Variants in ZNF705A observed in about 807,000 individuals in gnomAD.
The protein encoded by ZNF705A is zinc finger protein 705A.
A neutral mutation model predicts 16.6 loss-of-function variants in ZNF705A; 8 were observed. That is an observed-to-expected ratio of 0.48 (90% CI 0.28 to 0.87). ZNF705A has a LOEUF of 0.87. ZNF705A is among the 40% of genes least tolerant of loss of function. ZNF705A has a pLI of 0.10. For synonymous variants in ZNF705A, 73 were observed against 117.3 expected, an observed-to-expected ratio of 0.62 and a Z score of 2.44; for missense variants, 233 against 359.9, an observed-to-expected ratio of 0.65 and a Z score of 2.85.
chr12:8,164,659 A>G (rs948770095), intron 1 of ZNF705A, among the ~76,000 whole-genome samples: 2 of 152,220 alleles, frequency 1.3e-5, no homozygotes, highest in Non-Finnish European at 2.9e-5. Context: ...TCCAAAGAAC[A>G]TGATCTCATT....
At chr12:8,174,737 G>A (rs1455253916) in intron 2 of ZNF705A, among the ~76,000 whole-genome samples, 2 of 152,114 alleles carry the variant, frequency 1.3e-5, no homozygotes, top group African/African-American at 2.4e-5. Context: ...GGAACTTAAC[G>A]AATATTTTCA....
chr12:8,177,571 C>T lies in ZNF705A; in HGVS notation c.891C>T (p.Ser297=), dbSNP rs369950009. Residue 297 remains serine, a synonymous_variant, in exon 5 of 5, where the codon TCC becomes TCT. Coordinates refer to ENST00000359286, the Ensembl canonical transcript of ZNF705A. The stretch of plus-strand genomic sequence containing the variant: ...GTGGGAAGGCCTTCAGTCTGTCTTC[C>T]GACCTTAGATGACATGAGAGAACAT... The T allele has an allele frequency of 1.2e-4, 196 of 1,611,160 alleles. 1 individual carries two copies. Among genetic ancestry groups the T allele is most frequent in the South Asian group, 1.1e-3 (101 of 90,968 alleles).
intron 4 of ZNF705A, 58 bp downstream of exon 5, chr12:8,176,000 A>G (rs967051922): frequency 1.9e-6 from 3 of 1,602,578 alleles, no homozygotes; most frequent in Non-Finnish European, 1.7e-6. Flanking sequence ...TAATGGGTTA[A>G]GTTAGTAATG....
chr12:8,173,972 G>A (rs1203177431), intron 1 of ZNF705A, among the ~76,000 whole-genome samples: 1 of 152,204 alleles, frequency 6.6e-6, no homozygotes, highest in East Asian at 1.9e-4. Flanking sequence ...TGACAAATCC[G>A]TAATTTACTT....
At chr12:8,171,401 A>C (rs970037771), upstream of ZNF705A, among the ~76,000 whole-genome samples, 4 of 152,244 alleles carry the variant, frequency 2.6e-5, no homozygotes, top group African/African-American at 9.6e-5. Context: ...CTATGTACGA[A>C]TATATACATG....
chr12:8,177,694 A>T, exon 5 of ZNF705A: 1 of 1,488,072 alleles, frequency 6.7e-7, no homozygotes, highest in Non-Finnish European at 9.0e-7. Context: ...CTGGAGAGAA[A>T]ATTATAAACT....
At chr12:8,177,650 T>G in exon 5 of ZNF705A, 1 of 1,592,300 alleles carries the variant, frequency 6.3e-7, no homozygotes, top group South Asian at 1.1e-5. Context: ...CTTCAGTCAA[T>G]GTACTAGTCT....
chr12:8,175,538 G>GA (rs1339808231), intron 3 of ZNF705A, among the ~76,000 whole-genome samples: 1 of 152,018 alleles, frequency 6.6e-6, no homozygotes, highest in African/African-American at 2.4e-5. Flanking sequence ...TCACTTTTAG[G>GA]AAAAGGATAA....
chr12:8,164,614 C>G (rs992905232), intron 1 of ZNF705A, among the ~76,000 whole-genome samples: 1 of 152,150 alleles, frequency 6.6e-6, no homozygotes, highest in Non-Finnish European at 1.5e-5. Flanking sequence ...GGTTAGTTTG[C>G]TGAGGATAAT....
intron 1 of ZNF705A, among the ~76,000 whole-genome samples, chr12:8,166,311 A>G (rs1300430331): frequency 6.6e-6 from 1 of 152,220 alleles, no homozygotes; most frequent in African/African-American, 2.4e-5. Flanking sequence ...ATCCAGGTGA[A>G]GGCTTCTGAT....
chr12:8,170,095 T>C (rs184526288), upstream of ZNF705A, among the ~76,000 whole-genome samples: 494 of 151,070 alleles, frequency 3.3e-3, 2 homozygotes, highest in African/African-American at 0.012. Flanking sequence ...AGGCTGAGGC[T>C]GGAGAATTGC....
At chr12:8,173,872 G>C (rs866544235) in intron 1 of ZNF705A, among the ~76,000 whole-genome samples, 11 of 152,186 alleles carry the variant, frequency 7.2e-5, no homozygotes, top group Middle Eastern at 3.2e-3. Flanking sequence ...TTAACCATTT[G>C]ATTGGTGAGA....
intron 3 of ZNF705A, among the ~76,000 whole-genome samples, 181 bp downstream of exon 4, chr12:8,175,504 G>C (rs1948478369): frequency 6.6e-6 from 1 of 152,102 alleles, no homozygotes; most frequent in Non-Finnish European, 1.5e-5. Flanking sequence ...TGCTACTCTT[G>C]TGTCCTCTTT....
At chr12:8,174,548 C>A (rs1307995949) in intron 2 of ZNF705A, 96 bp downstream of exon 3, 9 of 1,589,994 alleles carry the variant, frequency 5.7e-6, no homozygotes, top group African/African-American at 1.3e-5. Flanking sequence ...ACTCTAATCT[C>A]TTCTCTGCTT....
At chr12:8,160,472 T>C (rs1206520215) in intron 1 of ZNF705A, among the ~76,000 whole-genome samples, 1 of 152,160 alleles carries the variant, frequency 6.6e-6, no homozygotes, top group Non-Finnish European at 1.5e-5. Context: ...TGTGTTTCCA[T>C]TTGTTTGTAT....
At chr12:8,172,663 T>C in intron 1 of ZNF705A, 26 bp downstream of exon 2, 1 of 1,596,264 alleles carries the variant, frequency 6.3e-7, no homozygotes. Flanking sequence ...TTCTTTCTAC[T>C]GAAATTATAC....
intron 1 of ZNF705A, among the ~76,000 whole-genome samples, chr12:8,173,971 C>T (rs4523766): frequency 0.48 from 72,672 of 151,792 alleles, 17,970 homozygotes; most frequent in Non-Finnish European, 0.56. Context: ...GTGACAAATC[C>T]GTAATTTACT....
At chr12:8,164,057 C>T (rs763359686) in intron 1 of ZNF705A, among the ~76,000 whole-genome samples, 3 of 152,140 alleles carry the variant, frequency 2.0e-5, no homozygotes, top group Admixed American at 2.0e-4. Context: ...CCTGAGTCCC[C>T]CCCTTTATTA....
At chr12:8,170,250 T>G (rs1041710547), upstream of ZNF705A, among the ~76,000 whole-genome samples, 9 of 147,846 alleles carry the variant, frequency 6.1e-5, no homozygotes, top group Non-Finnish European at 1.2e-4. Context: ...CTGTGCAGGC[T>G]CTCATCTTGA....
Sources: gnomAD v4.1 joint callset for allele counts (sites outside exome capture counted in the v4.1 genomes callset) on GRCh38, gnomAD v4.1.1 for gene constraint, MANE v1.5 for transcripts, NCBI Gene and HGNC (gene_info 2026-07-23, HGNC 2026-07-21) for gene names.